The following CDC25A variants were observed in gnomAD, a reference collection of about 807,000 sequenced individuals.
The protein encoded by CDC25A is M-phase inducer phosphatase 1.
CDC25A carries 17 observed loss-of-function variants against 64.6 expected under a neutral mutation model. That is an observed-to-expected ratio of 0.26 (90% CI 0.18 to 0.39). CDC25A has a LOEUF of 0.39. Among genes scored for constraint, CDC25A ranks in the 10% least tolerant of loss-of-function variants. The probability of loss-of-function intolerance (pLI) is 1.00; values close to 1 mark genes in which losing one functional copy is unlikely to be tolerated. For synonymous variants in CDC25A, 229 were observed against 238.6 expected (o/e 0.96, Z 0.37); for missense variants, 473 against 654.8 (o/e 0.72, Z 3.03).
rs2106674050 is a variant in CDC25A at position 48,158,837 on chromosome 3, C to CT, written c.*107dup. 7.2e-7 allele frequency: 1 copy of CT among 1,380,088 alleles called. No individual in the cohort carries two copies. Among genetic ancestry groups the CT allele is most frequent in the East Asian group, 2.3e-5 (1 of 43,438 alleles). 85.5% of individuals were successfully genotyped at this position (1,380,088 alleles called of 1,614,324 possible). The stretch of plus-strand genomic sequence containing the variant: ...TTAAGGCATGGAAGTCCCAGGCCCC[C>CT]TCTCCAAATGTCACACAGCTGTCCC... On this transcript the variant is annotated 3_prime_UTR_variant, in exon 15 of 15. Transcript: ENST00000302506.
chr3:48,158,810 G>A lies in CDC25A; in HGVS notation c.*135C>T, dbSNP rs773473242. ...CCAACCTTGGGAGTGTGGGAGGTAG[G>A]TTTAAGGCATGGAAGTCCCAGGCCC... On this transcript the variant is annotated 3_prime_UTR_variant, in exon 15 of 15. Transcript: ENST00000302506. 168 of 1,114,346 alleles carry A rather than the reference G, an allele frequency of 1.5e-4. No homozygotes were observed. Among genetic ancestry groups the A allele is most frequent in the Non-Finnish European group, 2.0e-4 (155 of 776,624 alleles). 69.0% of individuals were successfully genotyped at this position (1,114,346 alleles called of 1,614,324 possible).
chr3:48,164,263 T>C, intron 13 of CDC25A, 44 bp downstream of exon 13: 1 of 1,465,838 alleles, frequency 6.8e-7, no homozygotes, highest in Non-Finnish European at 9.0e-7. Context: ...CACAAAAGCA[T>C]CATGGAGCCT....
intron 5 of CDC25A, chr3:48,181,490 G>A: frequency 1.2e-6 from 1 of 850,232 alleles, no homozygotes; most frequent in South Asian, 1.4e-5. Context: ...GGCGTGGGTG[G>A]CTGAGTTCCC....
intron 13 of CDC25A, among the ~76,000 whole-genome samples, chr3:48,162,053 T>C (rs956147627): frequency 6.6e-6 from 1 of 152,122 alleles, no homozygotes; most frequent in Admixed American, 6.5e-5. Context: ...AGAGCAAGAC[T>C]ACATCTCAAA....
intron 5 of CDC25A, among the ~76,000 whole-genome samples, chr3:48,182,475 T>G (rs1276441892): frequency 6.6e-6 from 1 of 152,176 alleles, no homozygotes; most frequent in Non-Finnish European, 1.5e-5. Flanking sequence ...TCCCTAGAAC[T>G]TGTTGACCCC....
rs905711249 is a variant in CDC25A, at chr3:48,187,481, T to A, written c.170+297A>T. Among the ~76,000 whole-genome samples the A allele has an allele frequency of 3.3e-5, 5 of 152,168 alleles. No homozygotes were observed. In the East Asian group the frequency reaches 9.6e-4, roughly 29 times the overall value. On this transcript the variant is annotated intron_variant, in intron 1 of 14. Transcript: ENST00000302506. Reference sequence around the variant, plus strand: ...CCGCGGGGGTAGATTCCAAAGAGCTTCCAGGGATAGAGATAGAAGGAGAGT... The same window carrying A: ...CCGCGGGGGTAGATTCCAAAGAGCTACCAGGGATAGAGATAGAAGGAGAGT...
chr3:48,164,142 G>A (rs1001483048), intron 13 of CDC25A, among the ~76,000 whole-genome samples, 165 bp downstream of exon 13: 3 of 152,214 alleles, frequency 2.0e-5, no homozygotes, highest in African/African-American at 7.2e-5. Context: ...GACTGGAAGA[G>A]CCAAAGTTCA....
At chr3:48,169,898 A>G (rs1167684382) in intron 9 of CDC25A, among the ~76,000 whole-genome samples, 1 of 151,936 alleles carries the variant, frequency 6.6e-6, no homozygotes, top group East Asian at 1.9e-4. Flanking sequence ...AGTCCCAGCT[A>G]CTTGGGAGGC....
Position 48,158,646 on chromosome 3 carries a change from A to G in CDC25A, c.*299T>C. On this transcript the variant is annotated 3_prime_UTR_variant, in exon 15 of 15. Coordinates refer to ENST00000302506, the MANE Select transcript of CDC25A (RefSeq NM_001789.3). Reference sequence around the variant, plus strand: ...CTCATGAGATGGCTGGAGCCCGATAAGGCCCCGGCTGGTTCATCCCACTGT... The same window carrying G: ...CTCATGAGATGGCTGGAGCCCGATAGGGCCCCGGCTGGTTCATCCCACTGT... 1 of 267,448 alleles carries G rather than the reference A, an allele frequency of 3.7e-6. No individual in the cohort carries two copies. Among genetic ancestry groups the G allele is most frequent in the Non-Finnish European group, 7.1e-6 (1 of 140,590 alleles). The allele number at this position is 267,448 out of a possible 1,614,324, so 16.6% of individuals were successfully genotyped here.
In CDC25A at chr3:48,184,701, G is replaced by C. The variant is rs774842540; in HGVS notation, c.248-6C>G. ...AGGAGAATCTAGACAGAAACCTATG[G>C]GGAAAAAAAAAACCTCTCAAGAAAT... is the stretch of plus-strand genomic sequence containing the variant. On this transcript the variant is annotated splice_region_variant and splice_polypyrimidine_tract_variant and intron_variant, in intron 2 of 14. Coordinates refer to ENST00000302506, the MANE Select transcript of CDC25A (RefSeq NM_001789.3). 3.2e-6 allele frequency: 5 copies of C among 1,576,544 alleles called. No homozygotes were observed. The East Asian group carries it at 6.8e-5, about 21-fold the overall frequency.
intron 7 of CDC25A, 118 bp from the exon 8 acceptor site, chr3:48,177,560 T>A (rs186169578): frequency 6.4e-6 from 5 of 781,288 alleles, no homozygotes; most frequent in Non-Finnish European, 1.1e-5. Flanking sequence ...GAAGTATCCT[T>A]AATGTACCAT....
rs146459002 is a variant in CDC25A, at chr3:48,177,069, A to T, written c.756+302T>A. On this transcript the variant is annotated intron_variant, in intron 8 of 14. Transcript: ENST00000302506. Reference sequence around the variant, plus strand: ...GGTTCTGTGGAATATAAATGAGAATAACCTAAAAAAAGTAAAGTATTCAGG... The same window carrying T: ...GGTTCTGTGGAATATAAATGAGAATTACCTAAAAAAAGTAAAGTATTCAGG... 7.1e-3 allele frequency among the ~76,000 whole-genome samples: 1,080 copies of T among 152,290 alleles called. 12 individuals carry two copies. Among genetic ancestry groups the T allele is most frequent in the African/African-American group, 0.024 (1,012 of 41,536 alleles).
rs901783143 is a variant in CDC25A at position 48,188,043 on chromosome 3, C to T, written c.-96G>A. The T allele has an allele frequency of 1.5e-5, 16 of 1,050,138 alleles. No homozygotes were observed. In the South Asian group the frequency reaches 3.5e-4, roughly 23 times the overall value. 65.1% of individuals were successfully genotyped at this position (1,050,138 alleles called of 1,614,324 possible). A position where few individuals can be genotyped will look rare whatever the true frequency, so the allele number is the denominator to read the frequency against. On this transcript the variant is annotated 5_prime_UTR_variant, in exon 1 of 15. Transcript: ENST00000302506. ...GACACCGGCCTCGGCCGCGCGCCAC[C>T]GGCGCCCGCGGGTCAAACACAAACA...
At chr3:48,174,254 C>A in intron 9 of CDC25A, 30 bp downstream of exon 9, 1 of 1,582,842 alleles carries the variant, frequency 6.3e-7, no homozygotes, top group South Asian at 1.2e-5. Flanking sequence ...AGTATCTGTG[C>A]TAGAGCAAAA....
At chr3:48,168,181 TA>T (rs33925813) in intron 9 of CDC25A, among the ~76,000 whole-genome samples, 1,407 of 124,132 alleles carry the variant, frequency 0.011, 16 homozygotes, top group African/African-American at 0.031. Flanking sequence ...CTTCCTTCCT[TA>T]AAAAAAAAAA....
chr3:48,166,912 C>G (rs2106704603), intron 10 of CDC25A, among the ~76,000 whole-genome samples: 1 of 152,312 alleles, frequency 6.6e-6, no homozygotes, highest in African/African-American at 2.4e-5. Flanking sequence ...AAGACCACAT[C>G]TCTCCCTGCC....
intron 13 of CDC25A, among the ~76,000 whole-genome samples, chr3:48,159,892 A>G (rs2031675780): frequency 2.0e-5 from 3 of 151,898 alleles, no homozygotes; most frequent in Admixed American, 6.6e-5. Flanking sequence ...CCCTGTTTCT[A>G]TCCTCTACTT....
At chr3:48,187,444 G>C (rs892780629) in intron 1 of CDC25A, among the ~76,000 whole-genome samples, 1 of 152,264 alleles carries the variant, frequency 6.6e-6, no homozygotes, top group Non-Finnish European at 1.5e-5. Context: ...GCCTAGAAGA[G>C]CCTGATTTTC....
intron 13 of CDC25A, among the ~76,000 whole-genome samples, chr3:48,163,934 G>A (rs2031895073): frequency 6.6e-6 from 1 of 152,204 alleles, no homozygotes. Context: ...CTGATGGGCA[G>A]CTCTTTGGCC....
Sources: allele counts gnomAD v4.1 joint callset (sites outside exome capture counted in the v4.1 genomes callset), GRCh38; gene constraint gnomAD v4.1.1; transcripts MANE v1.5; gene names NCBI Gene and HGNC (gene_info 2026-07-23, HGNC 2026-07-21).